Variants in NCR1 observed in about 807,000 individuals in gnomAD.
The protein encoded by NCR1 is natural cytotoxicity triggering receptor 1, also known as NK cell-activating receptor.
A neutral mutation model predicts 32.5 loss-of-function variants in NCR1; 30 were observed. That is an observed-to-expected ratio of 0.92 (90% CI 0.69 to 1.25). The LOEUF (loss-of-function observed/expected upper bound fraction) is 1.25. NCR1 is among the 50% of genes most tolerant of loss of function. NCR1 has a pLI of 0.00. For missense variants in NCR1, 369 were observed against 380.7 expected, an observed-to-expected ratio of 0.97 and a Z score of 0.26; for synonymous variants, 169 against 143.4, an observed-to-expected ratio of 1.18 and a Z score of -1.28.
chr19:54,937,981 A>G, the NCR1 span: 1 of 1,317,140 alleles, frequency 7.6e-7, no homozygotes, highest in Middle Eastern at 1.8e-4. Flanking sequence ...AATTTAAAAA[A>G]CAAAAGTACA....
the NCR1 span, among the ~76,000 whole-genome samples, chr19:54,935,235 A>T: frequency 6.6e-6 from 1 of 151,810 alleles, no homozygotes; most frequent in Non-Finnish European, 1.5e-5. Flanking sequence ...GGGGAAAAAA[A>T]AATTTTTTTT....
intron 5 of NCR1, among the ~76,000 whole-genome samples, chr19:54,910,459 A>G (rs1386870193): frequency 6.6e-6 from 1 of 151,998 alleles, no homozygotes. Flanking sequence ...AATCCCAGCT[A>G]CTCAGGAGGC....
At chr19:54,932,595 T>C in the NCR1 span, among the ~76,000 whole-genome samples, 1 of 152,148 alleles carries the variant, frequency 6.6e-6, no homozygotes, top group Non-Finnish European at 1.5e-5. Context: ...CCAACTATAG[T>C]TCGTGGGTCA....
At chr19:54,916,700 C>CTTT (rs1378103452), downstream of NCR1, among the ~76,000 whole-genome samples, 4 of 106,470 alleles carry the variant, frequency 3.8e-5, no homozygotes, top group Admixed American at 2.1e-4. Context: ...ATCAACTGTT[C>CTTT]TATTTTTTTT....
chr19:54,916,233 T>C (rs1433943523), downstream of NCR1: 1 of 151,696 alleles, frequency 6.6e-6, no homozygotes, highest in African/African-American at 2.4e-5. Flanking sequence ...GGTAAAGACA[T>C]TTAAAAGCTG....
At chr19:54,904,893 T>C (rs1323417317), upstream of NCR1, among the ~76,000 whole-genome samples, 1 of 152,196 alleles carries the variant, frequency 6.6e-6, no homozygotes, top group African/African-American at 2.4e-5. Flanking sequence ...GCTGCATCCA[T>C]GTTGCTGCAA....
chr19:54,899,030 T>C, the NCR1 span, among the ~76,000 whole-genome samples: 1 of 152,012 alleles, frequency 6.6e-6, no homozygotes, highest in African/African-American at 2.4e-5. Flanking sequence ...GACTCAGCGA[T>C]GCTTGGGGTT....
the NCR1 span, among the ~76,000 whole-genome samples, chr19:54,937,591 CAGA>C: frequency 6.9e-6 from 1 of 145,152 alleles, no homozygotes; most frequent in Non-Finnish European, 1.5e-5. Context: ...AACTCTGTCT[CAGA>C]AAAAATAAAA....
upstream of NCR1, among the ~76,000 whole-genome samples, chr19:54,901,884 C>T (rs2146003156): frequency 6.6e-6 from 1 of 152,284 alleles, no homozygotes; most frequent in East Asian, 1.9e-4. Context: ...AAGAGAATTG[C>T]TTGAACCCAG....
At chr19:54,932,064 G>GGGTA in the NCR1 span, among the ~76,000 whole-genome samples, 1 of 152,056 alleles carries the variant, frequency 6.6e-6, no homozygotes, top group Non-Finnish European at 1.5e-5. Context: ...ACATATATAG[G>GGGTA]GGTATAGTGT....
the NCR1 span, among the ~76,000 whole-genome samples, chr19:54,926,845 G>GGCAGAGGT: frequency 6.6e-6 from 1 of 151,082 alleles, no homozygotes; most frequent in African/African-American, 2.4e-5. Flanking sequence ...GAACCCAGGA[G>GGCAGAGGT]GCAGAGGTTG....
At chr19:54,926,686 C>A in the NCR1 span, among the ~76,000 whole-genome samples, 1,433 of 152,048 alleles carry the variant, frequency 9.4e-3, 24 homozygotes, top group African/African-American at 0.032. Context: ...GAGGCCAAGG[C>A]GAGAAGATCA....
chr19:54,925,478 T>C, the NCR1 span, among the ~76,000 whole-genome samples: 1 of 152,154 alleles, frequency 6.6e-6, no homozygotes, highest in African/African-American at 2.4e-5. Flanking sequence ...GCAGTTTACA[T>C]GCGTATCATC....
downstream of NCR1, among the ~76,000 whole-genome samples, chr19:54,914,883 G>C (rs146930772): frequency 6.6e-6 from 1 of 151,978 alleles, no homozygotes; most frequent in Non-Finnish European, 1.5e-5. Context: ...GGGACTAGAG[G>C]CGCGCGCCAC....
At chr19:54,936,312 A>G in the NCR1 span, 1 of 1,614,052 alleles carries the variant, frequency 6.2e-7, no homozygotes, top group Non-Finnish European at 8.5e-7. Flanking sequence ...ACACAGCATC[A>G]GCATCATCGT....
chr19:54,932,384 C>T, the NCR1 span, among the ~76,000 whole-genome samples: 1 of 151,248 alleles, frequency 6.6e-6, no homozygotes. Flanking sequence ...GCCAAGATTA[C>T]ACCACTGCAT....
At chr19:54,915,045 G>A (rs558596536), downstream of NCR1, among the ~76,000 whole-genome samples, 9 of 151,840 alleles carry the variant, frequency 5.9e-5, no homozygotes, top group South Asian at 1.0e-3. Flanking sequence ...GCCCAGCCAA[G>A]ACAACACTTT....
chr19:54,920,677 A>G (rs113733006), downstream of NCR1, among the ~76,000 whole-genome samples: 1 of 152,168 alleles, frequency 6.6e-6, no homozygotes, highest in African/African-American at 2.4e-5. Flanking sequence ...ATATTTTAAA[A>G]TTAGCCAAGC....
chr19:54,934,744 C>G, the NCR1 span: 1 of 1,160,528 alleles, frequency 8.6e-7, no homozygotes, highest in Non-Finnish European at 1.2e-6. This position sits in a 1 kb window ranked among gnomAD's most constrained non-coding sequence, Gnocchi z 6.7. Flanking sequence ...GAGTTTCACT[C>G]TGTTGCCCAG....
Sources: allele counts gnomAD v4.1 joint callset (sites outside exome capture counted in the v4.1 genomes callset), GRCh38; gene constraint gnomAD v4.1.1; non-coding constraint Gnocchi (gnomAD v3.1); transcripts MANE v1.5; gene names NCBI Gene and HGNC (gene_info 2026-07-23, HGNC 2026-07-21).